The following DNM3 variants were observed in gnomAD, a reference collection of about 807,000 sequenced individuals.
DNM3 encodes the protein dynamin 3.
A neutral mutation model predicts 101.6 loss-of-function variants in DNM3; 47 were observed. The ratio of observed to expected loss-of-function variants is 0.46; its 90% confidence interval spans 0.37 to 0.59. The LOEUF (loss-of-function observed/expected upper bound fraction) is 0.59, where lower values mean the gene tolerates loss of function less well. DNM3 is among the 20% of genes least tolerant of loss of function. The probability of loss-of-function intolerance (pLI) is 0.00; values close to 1 mark genes in which losing one functional copy is unlikely to be tolerated. For missense variants in DNM3, 849 were observed against 1,085.7 expected (o/e 0.78, Z 3.06); for synonymous variants, 385 against 387.9 (o/e 0.99, Z 0.09).
chr1:172,078,672 T>C (rs56813784), intron 11 of DNM3, among the ~76,000 whole-genome samples: 3,198 of 152,306 alleles, frequency 0.021, 103 homozygotes, highest in African/African-American at 0.071. Flanking sequence ...ATTATGATGC[T>C]AGCTGGTTAT....
At chr1:172,039,858 C>A (rs1383731840) in intron 7 of DNM3, among the ~76,000 whole-genome samples, 1 of 152,054 alleles carries the variant, frequency 6.6e-6, no homozygotes, top group Admixed American at 6.6e-5. Flanking sequence ...TAATAAGATT[C>A]TTGCCCTCAA....
At chr1:172,195,425 G>C (rs2059911205) in intron 14 of DNM3, among the ~76,000 whole-genome samples, 1 of 151,548 alleles carries the variant, frequency 6.6e-6, no homozygotes, top group East Asian at 1.9e-4. Flanking sequence ...TCCTTTTCTT[G>C]ACTTATGGCA....
intron 1 of DNM3, among the ~76,000 whole-genome samples, chr1:171,868,501 A>T (rs1050928047): frequency 5.0e-4 from 76 of 152,226 alleles, no homozygotes; most frequent in African/African-American, 1.7e-3. Flanking sequence ...AGCAAGAAAT[A>T]GCTTCATGCC....
chr1:171,946,244 G>A (rs553398195), intron 2 of DNM3, among the ~76,000 whole-genome samples: 110 of 152,244 alleles, frequency 7.2e-4, no homozygotes, highest in African/African-American at 2.6e-3. Flanking sequence ...ACTGACAAAA[G>A]ACAGATTAGC....
In DNM3 at chr1:172,408,984, A is replaced by G. The variant is rs1329111174; in HGVS notation, c.*1143A>G. 1 of 985,288 alleles carries G rather than the reference A, an allele frequency of 1.0e-6. No homozygotes were observed. Among genetic ancestry groups the G allele is most frequent in the East Asian group, 1.1e-4 (1 of 8,830 alleles). 61.0% of individuals were successfully genotyped at this position (985,288 alleles called of 1,614,324 possible). A position where few individuals can be genotyped will look rare whatever the true frequency, so the allele number is the denominator to read the frequency against. ...TTGCAGTATTTCAAAGTCCCTATCC[A>G]GGTCACTCCAGAAAAGGGTATTGAA... On this transcript the variant is annotated 3_prime_UTR_variant, in exon 21 of 21. Coordinates refer to ENST00000627582, the MANE Select transcript of DNM3 (RefSeq NM_015569.5).
intron 3 of DNM3, among the ~76,000 whole-genome samples, chr1:171,988,503 C>T (rs879306484): frequency 2.0e-5 from 3 of 151,684 alleles, no homozygotes; most frequent in South Asian, 2.1e-4. Flanking sequence ...TGGCTAACAG[C>T]TTTCTACTAG....
At chr1:172,341,088 A>G (rs991405116) in intron 17 of DNM3, among the ~76,000 whole-genome samples, 3 of 152,310 alleles carry the variant, frequency 2.0e-5, no homozygotes. Context: ...TTCCCACACC[A>G]ACAACATCCA....
chr1:172,350,589 A>C (rs1311174136), intron 17 of DNM3, among the ~76,000 whole-genome samples: 1 of 152,182 alleles, frequency 6.6e-6, no homozygotes, highest in Admixed American at 6.5e-5. Context: ...GCAATGCAAT[A>C]AAGTATCTAG....
At chr1:171,945,603 G>T (rs2042123168) in intron 2 of DNM3, among the ~76,000 whole-genome samples, 1 of 152,194 alleles carries the variant, frequency 6.6e-6, no homozygotes, top group African/African-American at 2.4e-5. Context: ...CGTAGAAGCA[G>T]AGGATGAACA....
chr1:172,062,699 C>T (rs2051335612), intron 10 of DNM3, among the ~76,000 whole-genome samples: 1 of 152,170 alleles, frequency 6.6e-6, no homozygotes. Context: ...ATATGCCACT[C>T]ATATGCCAAT....
chr1:172,406,785 G>C (rs903545951), intron 20 of DNM3, among the ~76,000 whole-genome samples: 11 of 151,650 alleles, frequency 7.3e-5, no homozygotes, highest in Non-Finnish European at 2.9e-5. Context: ...GATCAATATA[G>C]AGTTTCTAAT....
intron 20 of DNM3, chr1:172,397,040 A>G (rs973540402): frequency 3.9e-5 from 6 of 152,718 alleles, no homozygotes; most frequent in African/African-American, 1.4e-4. Context: ...TGTTCCCTTA[A>G]GTAAATCTAC....
chr1:171,961,274 G>A (rs980087106), intron 2 of DNM3, among the ~76,000 whole-genome samples: 3 of 152,054 alleles, frequency 2.0e-5, no homozygotes, highest in African/African-American at 7.2e-5. Flanking sequence ...GAAAGGAAGA[G>A]GTAGAGGGCG....
chr1:171,943,525 C>A (rs1299658426), intron 2 of DNM3, among the ~76,000 whole-genome samples: 1 of 152,208 alleles, frequency 6.6e-6, no homozygotes, highest in Non-Finnish European at 1.5e-5. Flanking sequence ...CTTACCTTAA[C>A]CCAGACATTC....
At chr1:171,950,643 A>G (rs1299257564) in intron 2 of DNM3, among the ~76,000 whole-genome samples, 1 of 152,202 alleles carries the variant, frequency 6.6e-6, no homozygotes, top group Non-Finnish European at 1.5e-5. Context: ...CTATAGTGAC[A>G]CAAAGCCCAT....
intron 15 of DNM3, among the ~76,000 whole-genome samples, chr1:172,281,172 G>T (rs1033929947): frequency 8.6e-5 from 13 of 151,968 alleles, no homozygotes; most frequent in African/African-American, 2.7e-4. Context: ...CACTCCTCCA[G>T]ATTTTCAGAA....
intron 2 of DNM3, among the ~76,000 whole-genome samples, chr1:171,958,261 C>A (rs2125488411): frequency 6.6e-6 from 1 of 152,334 alleles, no homozygotes; most frequent in African/African-American, 2.4e-5. Context: ...CCCACTGGGT[C>A]CCTGCCATGA....
chr1:172,243,033 T>G (rs994828538), intron 14 of DNM3, among the ~76,000 whole-genome samples: 2 of 152,162 alleles, frequency 1.3e-5, no homozygotes, highest in African/African-American at 4.8e-5. Context: ...TTTAAATTAT[T>G]TTACTATTAT....
intron 1 of DNM3, among the ~76,000 whole-genome samples, chr1:171,883,062 T>C (rs1212650171): frequency 2.6e-5 from 4 of 151,948 alleles, no homozygotes; most frequent in Non-Finnish European, 5.9e-5. Context: ...TGTTCAATTT[T>C]GTATCTGATT....
Sources: allele counts gnomAD v4.1 joint callset (sites outside exome capture counted in the v4.1 genomes callset), GRCh38; gene constraint gnomAD v4.1.1; transcripts MANE v1.5; gene names NCBI Gene and HGNC (gene_info 2026-07-23, HGNC 2026-07-21).